Variants in SIGMAR1 observed in about 807,000 individuals in gnomAD.
The protein encoded by SIGMAR1 is SR31747 binding protein 1.
A neutral mutation model predicts 25.4 loss-of-function variants in SIGMAR1; 18 were observed. The ratio of observed to expected loss-of-function variants is 0.71; its 90% CI spans 0.49 to 1.05. SIGMAR1 has a LOEUF of 1.05. Ranked by LOEUF, SIGMAR1 falls within the 50% of genes least tolerant of loss-of-function variation. SIGMAR1 has a pLI of 0.00. For synonymous variants in SIGMAR1, 125 were observed against 131.6 expected (o/e 0.95, Z 0.34); for missense variants, 249 against 301.6 (o/e 0.83, Z 1.29).
At chr9:34,637,183 C>T (rs896801208) in intron 2 of SIGMAR1, 37 bp downstream of exon 2, 1 of 1,553,646 alleles carries the variant, frequency 6.4e-7, no homozygotes, top group Non-Finnish European at 8.7e-7. Context: ...CCCTTTACAA[C>T]CCCAGCCTCC....
At chr9:34,636,007 G>A in intron 3 of SIGMAR1, 149 bp from the exon 4 acceptor site, 1 of 1,122,788 alleles carries the variant, frequency 8.9e-7, no homozygotes, top group Non-Finnish European at 1.3e-6. Context: ...GGCTGGCCCA[G>A]ATGGCCACTC....
chr9:34,636,866 T>C, intron 3 of SIGMAR1, 131 bp downstream of exon 3: 1 of 762,622 alleles, frequency 1.3e-6, no homozygotes, highest in East Asian at 2.7e-5. Context: ...CTGTGGCTTA[T>C]GGGAGGGTGG....
Position 34,637,417 on chromosome 9 carries a change from A to G in SIGMAR1, c.155T>C (p.Leu52Pro). 3 of 1,602,852 alleles carry G rather than the reference A, an allele frequency of 1.9e-6. No individual in the cohort carries two copies. The highest frequency in any genetic ancestry group is 2.5e-6 in the Non-Finnish European group (3 of 1,179,276). Residue 52 changes from leucine to proline, a missense_variant, in exon 2 of 4, where the codon CTG becomes CCG. Transcript: ENST00000277010. ...ACGAGAGAAGGCCAGCTCGTGGTCC[A>G]GCCCTGGCGGAGGCAGAGGGGCGGC... ...IAQLARQYAGLDHELAFSRLI... is the reference protein window; with the variant it reads ...IAQLARQYAGPDHELAFSRLI...
chr9:34,636,949 C>G (rs771523500), intron 3 of SIGMAR1, 48 bp downstream of exon 3: 16 of 1,478,638 alleles, frequency 1.1e-5, no homozygotes, highest in Middle Eastern at 1.9e-4. Context: ...ATTGTGGGCA[C>G]CCCCCGCGTG....
Position 34,637,786 on chromosome 9 carries a change from A to T in SIGMAR1, c.-89T>A, listed in dbSNP as rs1820947406. On this transcript the variant is annotated 5_prime_UTR_variant, in exon 1 of 4. Coordinates refer to ENST00000277010, the MANE Select transcript of SIGMAR1 (RefSeq NM_005866.4). ...CGGCCTCGGAGCCCGCCGGCTGCCC[A>T]CGAAGCGCTCCCCCGCCACCGCCGT... 1 of 1,001,892 alleles carries T rather than the reference A, an allele frequency of 1.0e-6. No individual in the cohort carries two copies. Among genetic ancestry groups the T allele is most frequent in the South Asian group, 2.2e-5 (1 of 46,304 alleles). The allele number at this position is 1,001,892 out of a possible 1,614,324, so 62.1% of individuals were successfully genotyped here.
chr9:34,636,566 C>T (rs1412281589), intron 3 of SIGMAR1, among the ~76,000 whole-genome samples: 3 of 152,108 alleles, frequency 2.0e-5, no homozygotes, highest in Non-Finnish European at 4.4e-5. Context: ...ACCCGGGAAG[C>T]GGAGCTTGCA....
chr9:34,635,427 C>G lies in SIGMAR1; in HGVS notation c.*205G>C. 1.3e-6 allele frequency: 1 copy of G among 746,354 alleles called. No homozygotes were observed. The highest frequency in any genetic ancestry group is 2.2e-6 in the Non-Finnish European group (1 of 453,282). 46.2% of individuals were successfully genotyped at this position (746,354 alleles called of 1,614,324 possible). A position where few individuals can be genotyped will look rare whatever the true frequency, so the allele number is the denominator to read the frequency against. On this transcript the variant is annotated 3_prime_UTR_variant, in exon 4 of 4. Transcript: ENST00000277010. This position sits in a 1 kb window ranked among gnomAD's most constrained non-coding sequence, Gnocchi z 4.5. ...TGAGTGCATGGTCCTACTGTACACA[C>G]AGGTCTCAGTATCTATATGTGTCTC...
At position 34,635,757 on chromosome 9, in the gene SIGMAR1, C is replaced by G. The variant is rs764193929; in HGVS notation, c.547G>C (p.Ala183Pro). 1 of 1,614,110 alleles carries G rather than the reference C, an allele frequency of 6.2e-7. No homozygotes were observed. The highest frequency in any genetic ancestry group is 8.5e-7 in the Non-Finnish European group (1 of 1,180,042). ...AAGACAGTGTCGGCCAGCGCGAAGG[C>G]CAGGGTGGATGGGATGACGCCCCGG... ...YGRGVIPSTLAFALADTVFST... is the reference protein window; with the variant it reads ...YGRGVIPSTLPFALADTVFST... Residue 183 changes from alanine to proline, a missense_variant, in exon 4 of 4, where the codon GCC (alanine) becomes CCC (proline). Physicochemically the swap from Ala to Pro is conservative, Grantham distance 27. Coordinates refer to ENST00000277010, the MANE Select transcript of SIGMAR1 (RefSeq NM_005866.4). This position sits in a 1 kb window ranked among gnomAD's most constrained non-coding sequence, Gnocchi z 4.5.
intron 3 of SIGMAR1, chr9:34,636,653 A>G (rs897047007): frequency 2.6e-6 from 1 of 384,878 alleles, no homozygotes; most frequent in Non-Finnish European, 5.0e-6. Context: ...AACAAATAAA[A>G]AGATAACTGT....
At position 34,637,288 on chromosome 9, in the gene SIGMAR1, A is replaced by AG. The variant is rs780136067; in HGVS notation, c.283dup (p.Leu95ProfsTer29). The AG allele has an allele frequency of 3.2e-6, 5 of 1,586,476 alleles. No individual in the cohort carries two copies. The Admixed American group carries it at 8.8e-5, about 28-fold the overall frequency. ...ATACTCGGACAGCGAGGCGTGCAGA[A>AG]GGCACATGGCGCCCATCCAGCCACC... On this transcript the variant is annotated frameshift_variant, in exon 2 of 4. Transcript: ENST00000277010. LOFTEE classifies it high-confidence loss of function.
chr9:34,635,694 G>A lies in SIGMAR1; in HGVS notation c.610C>T (p.Arg204Cys), dbSNP rs775021457. 70 of 1,614,276 alleles carry A rather than the reference G, an allele frequency of 4.3e-5. 1 individual carries two copies. In the South Asian group the frequency reaches 5.5e-4, roughly 13 times the overall value. Residue 204 changes from arginine to cysteine, a missense_variant, in exon 4 of 4, where the codon CGC becomes TGC. Physicochemically the swap from Arg to Cys is radical, Grantham distance 180. Coordinates refer to ENST00000277010, the MANE Select transcript of SIGMAR1 (RefSeq NM_005866.4). This position sits in a 1 kb window ranked among gnomAD's most constrained non-coding sequence, Gnocchi z 4.5. ...AGCCGGAGGCCCCGAGCATAGGAGC[G>A]AAGAGTATAGAAGAGGGTGAGGAAG... ...QDFLTLFYTLRSYARGLRLEL... is the reference protein window; with the variant it reads ...QDFLTLFYTLCSYARGLRLEL...
At position 34,635,935 on chromosome 9, in the gene SIGMAR1, G is replaced by GACTA. The variant is rs1820841010; in HGVS notation, c.446-81_446-78dup. 10 of 1,594,892 alleles carry GACTA rather than the reference G, an allele frequency of 6.3e-6. No homozygotes were observed. The highest frequency in any genetic ancestry group is 7.7e-6 in the Non-Finnish European group (9 of 1,172,858). ...ATGGCTGCTGCTTCCCTGGCCCATG[G>GACTA]ACTAACTAGGGGTGGGGAATGGAGA... On this transcript the variant is annotated intron_variant, in intron 3 of 3. Transcript: ENST00000277010. This position sits in a 1 kb window ranked among gnomAD's most constrained non-coding sequence, Gnocchi z 4.5.
Position 34,635,812 on chromosome 9 carries a change from C to T in SIGMAR1, c.492G>A (p.Trp164Ter), listed in dbSNP as rs1242817438. 6.2e-7 allele frequency: 1 copy of T among 1,614,202 alleles called. No individual in the cohort carries two copies. The highest frequency in any genetic ancestry group is 8.5e-7 in the Non-Finnish European group (1 of 1,180,040). ...HGPGEATAVE[W>*]GPNTWMVEYG... ...ACTCCACCATCCATGTGTTTGGCCC[C>T]CACTCCACAGCTGTTGCCTCACCAG... is the stretch of plus-strand genomic sequence containing the variant. Residue 164 changes from tryptophan to a stop codon, truncating the protein, a stop_gained, in exon 4 of 4, where the codon TGG becomes TGA. Transcript: ENST00000277010. LOFTEE classifies it high-confidence loss of function. This position sits in a 1 kb window ranked among gnomAD's most constrained non-coding sequence, Gnocchi z 4.5.
intron 3 of SIGMAR1, 86 bp downstream of exon 3, chr9:34,636,911 A>C: frequency 9.1e-7 from 1 of 1,104,502 alleles, no homozygotes; most frequent in Non-Finnish European, 1.4e-6. Flanking sequence ...CCCCCAACAC[A>C]CTCCTTTTCC....
chr9:34,635,671 C>T lies in SIGMAR1; in HGVS notation c.633G>A (p.Arg211=). 1.9e-6 allele frequency: 3 copies of T among 1,614,216 alleles called. No homozygotes were observed. The highest frequency in any genetic ancestry group is 2.2e-5 in the South Asian group (2 of 91,082). ...CAAAGAGGTAGGTGGTGAGCTCAAG[C>T]CGGAGGCCCCGAGCATAGGAGCGAA... ...YTLRSYARGL[R]LELTTYLFGQ... The change falls in exon 4 of 4, where the codon CGG becomes CGA. Residue 211 remains arginine, a synonymous_variant. Coordinates refer to ENST00000277010, the MANE Select transcript of SIGMAR1 (RefSeq NM_005866.4). The surrounding 1 kb of genome is among the most constrained non-coding windows in gnomAD (Gnocchi z 4.5).
In SIGMAR1 at chr9:34,635,788, C is replaced by T; in HGVS notation, c.516G>A (p.Glu172=). The T allele has an allele frequency of 6.2e-7, 1 of 1,614,228 alleles. No homozygotes were observed. Among genetic ancestry groups the T allele is most frequent in the East Asian group, 2.2e-5 (1 of 44,882 alleles). ...TGGATGGGATGACGCCCCGGCCGTA[C>T]TCCACCATCCATGTGTTTGGCCCCC... ...VEWGPNTWMV[E]YGRGVIPSTL... The change falls in exon 4 of 4, where the codon GAG becomes GAA. Residue 172 remains glutamate, a synonymous_variant. Transcript: ENST00000277010. The surrounding 1 kb of genome is among the most constrained non-coding windows in gnomAD (Gnocchi z 4.5).
In SIGMAR1 at chr9:34,637,264, TA is replaced by T; in HGVS notation, c.307del (p.Tyr103MetfsTer50). On this transcript the variant is annotated frameshift_variant, in exon 2 of 4. Transcript: ENST00000277010. LOFTEE classifies it high-confidence loss of function. ...MCLLHASLSE[Y>X]VLLFGTALGS... is the part of the protein sequence containing the mutation. Reference sequence around the variant, plus strand: ...CAAGGCGGTGCCGAAGAGCAGCACATACTCGGACAGCGAGGCGTGCAGAAGG... The same window carrying T: ...CAAGGCGGTGCCGAAGAGCAGCACATCTCGGACAGCGAGGCGTGCAGAAGG... 8 of 1,570,712 alleles carry T rather than the reference TA, an allele frequency of 5.1e-6. No individual in the cohort carries two copies. The highest frequency in any genetic ancestry group is 6.9e-6 in the Non-Finnish European group (8 of 1,162,548).
chr9:34,635,277 G>A lies in SIGMAR1; in HGVS notation c.*355C>T. 1 of 365,496 alleles carries A rather than the reference G, an allele frequency of 2.7e-6. No individual in the cohort carries two copies. The highest frequency in any genetic ancestry group is 5.3e-6 in the Non-Finnish European group (1 of 189,592). The allele number at this position is 365,496 out of a possible 1,614,324, so 22.6% of individuals were successfully genotyped here. Reference sequence around the variant, plus strand: ...TCCTTAACTCTAGAACCCCGGTTTGGTGGGGAGGAGGTGGGAAGCTGTGGA... The same window carrying A: ...TCCTTAACTCTAGAACCCCGGTTTGATGGGGAGGAGGTGGGAAGCTGTGGA... On this transcript the variant is annotated 3_prime_UTR_variant, in exon 4 of 4. Transcript: ENST00000277010. This position sits in a 1 kb window ranked among gnomAD's most constrained non-coding sequence, Gnocchi z 4.5.
At position 34,635,994 on chromosome 9, in the gene SIGMAR1, C is replaced by G. The variant is rs1021761591; in HGVS notation, c.446-136G>C. On this transcript the variant is annotated intron_variant, in intron 3 of 3. Coordinates refer to ENST00000277010, the MANE Select transcript of SIGMAR1 (RefSeq NM_005866.4). This position sits in a 1 kb window ranked among gnomAD's most constrained non-coding sequence, Gnocchi z 4.5. ...CAGAAAAACAAAAAGCCCTACCTCACTGGGCTGGCCCAGATGGCCACTCCT... is the reference window on the plus strand; with the variant it reads ...CAGAAAAACAAAAAGCCCTACCTCAGTGGGCTGGCCCAGATGGCCACTCCT... 13 of 1,295,052 alleles carry G rather than the reference C, an allele frequency of 1.0e-5. No homozygotes were observed. In the Admixed American group the frequency reaches 1.3e-4, roughly 13 times the overall value. 80.2% of individuals were successfully genotyped at this position (1,295,052 alleles called of 1,614,324 possible). A position where few individuals can be genotyped will look rare whatever the true frequency, so the allele number is the denominator to read the frequency against.
Sources: gnomAD v4.1 joint callset for allele counts (sites outside exome capture counted in the v4.1 genomes callset) on GRCh38, gnomAD v4.1.1 for gene constraint, Gnocchi (gnomAD v3.1) non-coding constraint, MANE v1.5 for transcripts, NCBI Gene and HGNC (gene_info 2026-07-23, HGNC 2026-07-21) for gene names.